The following WWOX variants were observed in gnomAD, a reference collection of about 807,000 sequenced individuals.
The protein encoded by WWOX is WW domain-containing oxidoreductase.
WWOX carries 69 observed loss-of-function variants against 46.2 expected under a neutral mutation model. The observed-to-expected ratio is 1.49, with a 90% confidence interval of 1.23 to 1.82. The LOEUF is 1.82. WWOX is among the 40% of genes most tolerant of loss of function. The pLI, the probability that WWOX is intolerant of heterozygous loss-of-function variation, is 0.00. For missense variants in WWOX, 919 were observed against 542.6 expected (o/e 1.69, Z -6.89); for synonymous variants, 359 against 202.6 (o/e 1.77, Z -6.56).
intron 8 of WWOX, among the ~76,000 whole-genome samples, chr16:78,807,079 A>C (rs1400637554): frequency 6.6e-6 from 1 of 152,218 alleles, no homozygotes; most frequent in Non-Finnish European, 1.5e-5. Flanking sequence ...GCATCCACCA[A>C]GTGCCTGGTG....
intron 8 of WWOX, among the ~76,000 whole-genome samples, chr16:79,195,779 A>G (rs1034105881): frequency 6.6e-6 from 1 of 152,236 alleles, no homozygotes; most frequent in Non-Finnish European, 1.5e-5. Flanking sequence ...AGTGGTACAT[A>G]GAATCCTAGC....
intron 5 of WWOX, among the ~76,000 whole-genome samples, chr16:78,267,286 C>A (rs1471108667): frequency 6.6e-6 from 1 of 152,176 alleles, no homozygotes; most frequent in East Asian, 1.9e-4. Flanking sequence ...TTTAGTTGTT[C>A]TTTCTGCTTC....
intron 5 of WWOX, among the ~76,000 whole-genome samples, chr16:78,208,788 C>T (rs1597354067): frequency 6.6e-6 from 1 of 152,292 alleles, no homozygotes; most frequent in Middle Eastern, 3.4e-3. Flanking sequence ...TTTTGCAGTG[C>T]TGCAGATTTT....
intron 8 of WWOX, among the ~76,000 whole-genome samples, chr16:78,977,580 A>G (rs1018782916): frequency 1.3e-5 from 2 of 152,050 alleles, no homozygotes; most frequent in African/African-American, 4.8e-5. Context: ...TTGAGGGGCT[A>G]TAAAATTTTT....
At chr16:78,188,352 G>C (rs913101289) in intron 5 of WWOX, among the ~76,000 whole-genome samples, 4 of 152,066 alleles carry the variant, frequency 2.6e-5, no homozygotes, top group African/African-American at 9.7e-5. Flanking sequence ...AGCCAATGTG[G>C]TGGTGGGTGC....
intron 8 of WWOX, chr16:78,535,425 C>A (rs540129249): frequency 2.0e-5 from 3 of 152,208 alleles, no homozygotes; most frequent in Admixed American, 2.0e-4. Flanking sequence ...TTGTAGGATT[C>A]TATTTCTGTA....
chr16:78,442,321 C>T (rs925074724), intron 8 of WWOX, among the ~76,000 whole-genome samples: 5 of 151,900 alleles, frequency 3.3e-5, no homozygotes, highest in African/African-American at 7.3e-5. Flanking sequence ...GTATATAATA[C>T]GTTATTATTA....
At chr16:78,577,892 T>A (rs1333494506) in intron 8 of WWOX, among the ~76,000 whole-genome samples, 1 of 152,110 alleles carries the variant, frequency 6.6e-6, no homozygotes, top group African/African-American at 2.4e-5. Flanking sequence ...TTTGACAGAA[T>A]ATATTCAAGG....
chr16:78,642,103 C>G (rs2046732304), intron 8 of WWOX, among the ~76,000 whole-genome samples: 1 of 152,134 alleles, frequency 6.6e-6, no homozygotes, highest in African/African-American at 2.4e-5. Flanking sequence ...CTGTCTGTCC[C>G]CCAAATAATT....
chr16:78,492,757 G>A (rs2084814956), intron 8 of WWOX, among the ~76,000 whole-genome samples: 1 of 152,222 alleles, frequency 6.6e-6, no homozygotes, highest in East Asian at 1.9e-4. Flanking sequence ...GAGAGAATAT[G>A]CATAATCACA....
At chr16:78,879,522 G>A (rs946992582) in intron 8 of WWOX, among the ~76,000 whole-genome samples, 1 of 151,880 alleles carries the variant, frequency 6.6e-6, no homozygotes, top group African/African-American at 2.4e-5. Flanking sequence ...AAAAAATTTG[G>A]CCTTTGGCCT....
intron 5 of WWOX, among the ~76,000 whole-genome samples, chr16:78,379,601 G>A (rs114296325): frequency 7.8e-4 from 119 of 152,284 alleles, no homozygotes; most frequent in African/African-American, 2.2e-3. Context: ...AGTGGAGAAC[G>A]CAAGGCCCAC....
At chr16:79,042,877 G>C in intron 8 of WWOX, among the ~76,000 whole-genome samples, 1 of 152,218 alleles carries the variant, frequency 6.6e-6, no homozygotes, top group South Asian at 2.1e-4. Flanking sequence ...AGCTTTTATT[G>C]CTTCTATTCA....
intron 8 of WWOX, among the ~76,000 whole-genome samples, chr16:79,195,980 C>A (rs902489256): frequency 2.0e-5 from 3 of 152,170 alleles, no homozygotes; most frequent in African/African-American, 2.4e-5. Context: ...TTAAAATATT[C>A]TTCTGTTAGT....
At chr16:78,396,377 C>T (rs935930816) in intron 6 of WWOX, among the ~76,000 whole-genome samples, 18 of 152,174 alleles carry the variant, frequency 1.2e-4, no homozygotes, top group Admixed American at 2.0e-4. Flanking sequence ...AAAATGTGTT[C>T]GAATTAACCA....
At chr16:78,160,189 T>G (rs1349202357) in intron 4 of WWOX, among the ~76,000 whole-genome samples, 1 of 152,128 alleles carries the variant, frequency 6.6e-6, no homozygotes, top group Non-Finnish European at 1.5e-5. Flanking sequence ...TTTTCTTTCT[T>G]TCTTTTTTTT....
At chr16:78,352,266 C>A (rs73567110) in intron 5 of WWOX, among the ~76,000 whole-genome samples, 1 of 152,160 alleles carries the variant, frequency 6.6e-6, no homozygotes, top group African/African-American at 2.4e-5. Flanking sequence ...TGTTTCCTAT[C>A]TCTGCTGTAA....
chr16:78,762,408 T>C (rs1202594566), intron 8 of WWOX, among the ~76,000 whole-genome samples: 2 of 152,138 alleles, frequency 1.3e-5, no homozygotes, highest in African/African-American at 2.4e-5. Flanking sequence ...GTGTGTACTT[T>C]AGAAGGGGAA....
chr16:78,314,175 G>A (rs928982447), intron 5 of WWOX, among the ~76,000 whole-genome samples: 3 of 152,024 alleles, frequency 2.0e-5, no homozygotes, highest in Non-Finnish European at 2.9e-5. Context: ...GGGAGGCAGA[G>A]GCTGGCAGAT....
Sources: allele counts gnomAD v4.1 joint callset (sites outside exome capture counted in the v4.1 genomes callset), GRCh38; gene constraint gnomAD v4.1.1; transcripts MANE v1.5; gene names NCBI Gene and HGNC (gene_info 2026-07-23, HGNC 2026-07-21).